Variants in TRIQK observed in about 807,000 individuals in gnomAD.
The protein encoded by TRIQK is triple QxxK/R motif-containing protein.
TRIQK carries 10 observed loss-of-function variants against 10.8 expected under a neutral mutation model. That is an observed-to-expected ratio of 0.92 (90% confidence interval 0.57 to 1.57). The LOEUF is 1.57. TRIQK is among the 40% of genes most tolerant of loss of function. TRIQK has a pLI of 0.00. For synonymous variants in TRIQK, 33 were observed against 33.7 expected (o/e 0.98, Z 0.07); for missense variants, 107 against 97.7 (o/e 1.09, Z -0.40).
rs141643860 is a variant in TRIQK, at chr8:92,896,861, G to T, written c.62-4787C>A. 4.2e-3 allele frequency among the ~76,000 whole-genome samples: 629 copies of T among 151,014 alleles called. 1 individual carries two copies. The highest frequency in any genetic ancestry group is 0.01 in the Middle Eastern group (3 of 292). On this transcript the variant is annotated intron_variant, in intron 3 of 4. Coordinates refer to ENST00000521988, the MANE Select transcript of TRIQK (RefSeq NM_001171797.2). Reference sequence around the variant, plus strand: ...GATGTTGTTTCACTCCTGTCTCCCAGGCTGGAGTGCAATGGCATGATCCTG... The same window carrying T: ...GATGTTGTTTCACTCCTGTCTCCCATGCTGGAGTGCAATGGCATGATCCTG...
chr8:93,002,129 A>C (rs765197768), intron 1 of TRIQK, among the ~76,000 whole-genome samples: 6 of 152,250 alleles, frequency 3.9e-5, no homozygotes, highest in Non-Finnish European at 5.9e-5. Context: ...AAAAGCAGTT[A>C]TATGAAGAAA....
At chr8:92,961,807 G>A (rs1368159049) in intron 1 of TRIQK, among the ~76,000 whole-genome samples, 1 of 152,022 alleles carries the variant, frequency 6.6e-6, no homozygotes, top group African/African-American at 2.4e-5. Context: ...TGTTATTTTT[G>A]CAACTACGTC....
chr8:92,889,571 G>A (rs1816658847), intron 4 of TRIQK, among the ~76,000 whole-genome samples: 1 of 151,520 alleles, frequency 6.6e-6, no homozygotes, highest in Non-Finnish European at 1.5e-5. Context: ...CACTTTAGGA[G>A]GGTATCTTAA....
chr8:92,949,696 G>A (rs1388261588), intron 2 of TRIQK, among the ~76,000 whole-genome samples: 2 of 53,292 alleles, frequency 3.8e-5, no homozygotes, highest in Non-Finnish European at 6.5e-5. Flanking sequence ...AAGAAAGAAA[G>A]AAAAGAGAAA....
In TRIQK at chr8:92,900,590, T is replaced by C. The variant is rs77135195; in HGVS notation, c.62-8516A>G. On this transcript the variant is annotated intron_variant, in intron 3 of 4. Transcript: ENST00000521988. ...TTTCTGAGTTCTCTATTCTATTCCA[T>C]TGGTGTATGTGTCTGGTTTTATGTG... Among the ~76,000 whole-genome samples, 7 of 152,230 alleles carry C rather than the reference T, an allele frequency of 4.6e-5. No individual in the cohort carries two copies. The South Asian group carries it at 1.0e-3, about 23-fold the overall frequency.
chr8:92,956,313 C>T (rs1462572849), intron 1 of TRIQK, among the ~76,000 whole-genome samples: 1 of 151,504 alleles, frequency 6.6e-6, no homozygotes, highest in Non-Finnish European at 1.5e-5. Flanking sequence ...TTTATTGTTC[C>T]CTTTATATGA....
intron 1 of TRIQK, among the ~76,000 whole-genome samples, chr8:93,002,221 TA>T (rs1813217851): frequency 6.6e-6 from 1 of 151,488 alleles, no homozygotes; most frequent in South Asian, 2.1e-4. Context: ...ATTAGAAAAA[TA>T]AGTAAAAGCT....
chr8:92,942,924 G>A (rs898805256), intron 2 of TRIQK, among the ~76,000 whole-genome samples: 2 of 151,900 alleles, frequency 1.3e-5, no homozygotes, highest in African/African-American at 4.8e-5. Context: ...AACTCCTGAG[G>A]TCAGGCAATC....
At chr8:92,986,478 A>C (rs1813030894) in intron 1 of TRIQK, among the ~76,000 whole-genome samples, 1 of 152,174 alleles carries the variant, frequency 6.6e-6, no homozygotes, top group South Asian at 2.1e-4. Context: ...TTTTCATCAA[A>C]TCTTTAGCTA....
At chr8:92,954,137 A>G (rs772060250) in intron 2 of TRIQK, 1 of 152,014 alleles carries the variant, frequency 6.6e-6, no homozygotes, top group Non-Finnish European at 1.5e-5. Flanking sequence ...CAGACAATTG[A>G]TAATACTAAA....
intron 3 of TRIQK, 97 bp downstream of exon 3, chr8:92,916,832 G>A: frequency 3.6e-6 from 3 of 837,918 alleles, no homozygotes; most frequent in Non-Finnish European, 4.9e-6. Flanking sequence ...ATATTTCTGT[G>A]TATCATATGT....
At chr8:92,999,357 C>T (rs1409501666) in intron 1 of TRIQK, among the ~76,000 whole-genome samples, 2 of 152,036 alleles carry the variant, frequency 1.3e-5, no homozygotes, top group Non-Finnish European at 2.9e-5. Flanking sequence ...ACAGACTTGG[C>T]TGTTGAATTT....
chr8:92,962,581 C>A (rs1271412080), intron 1 of TRIQK, among the ~76,000 whole-genome samples: 1 of 152,114 alleles, frequency 6.6e-6, no homozygotes, highest in African/African-American at 2.4e-5. Flanking sequence ...ATTTCAAATA[C>A]CCCAGAGGTG....
intron 3 of TRIQK, among the ~76,000 whole-genome samples, chr8:92,896,463 G>T (rs549315322): frequency 8.5e-5 from 13 of 152,298 alleles, no homozygotes; most frequent in African/African-American, 3.1e-4. Flanking sequence ...AGCCACAGGA[G>T]AAAAGCCACC....
At chr8:93,007,663 A>G (rs1813288008) in intron 1 of TRIQK, among the ~76,000 whole-genome samples, 1 of 152,202 alleles carries the variant, frequency 6.6e-6, no homozygotes, top group Admixed American at 6.5e-5. Context: ...AACCAGAATA[A>G]CCAGTTTAAG....
intron 2 of TRIQK, among the ~76,000 whole-genome samples, chr8:92,940,301 A>T (rs1280627540): frequency 6.6e-6 from 1 of 151,050 alleles, no homozygotes. Context: ...AAATTCTCCA[A>T]TTAAAAGACT....
At position 92,943,075 on chromosome 8, in the gene TRIQK, TA is replaced by T. The variant is rs568414238; in HGVS notation, c.-22+11330del. Among the ~76,000 whole-genome samples the T allele has an allele frequency of 6.6e-3, 914 of 137,992 alleles. 2 individuals are homozygous for T. The highest frequency in any genetic ancestry group is 0.014 in the East Asian group (68 of 4,816). 90.5% of individuals were successfully genotyped at this position (137,992 alleles called of 152,430 possible). On this transcript the variant is annotated intron_variant, in intron 2 of 4. Coordinates refer to ENST00000521988, the MANE Select transcript of TRIQK (RefSeq NM_001171797.2). ...GGACAACAATCCTATTTACAATAGC[TA>T]AAAAAAAAAAAATGGGACACTTAGT...
chr8:92,989,058 T>C (rs1441761248), intron 1 of TRIQK, among the ~76,000 whole-genome samples: 1 of 152,174 alleles, frequency 6.6e-6, no homozygotes, highest in African/African-American at 2.4e-5. Flanking sequence ...CAGATAGCCA[T>C]TGACAAACCC....
chr8:92,891,968 A>G, intron 4 of TRIQK, 21 bp downstream of exon 4: 1 of 1,504,940 alleles, frequency 6.6e-7, no homozygotes, highest in African/African-American at 1.4e-5. Flanking sequence ...CAAATTTTAA[A>G]GTTATCAAAT....
Sources: allele counts gnomAD v4.1 joint callset (sites outside exome capture counted in the v4.1 genomes callset), GRCh38; gene constraint gnomAD v4.1.1; transcripts MANE v1.5; gene names NCBI Gene and HGNC (gene_info 2026-07-23, HGNC 2026-07-21).